INSR: variants seen among roughly 807,000 people sequenced by gnomAD.
The protein encoded by INSR is IR.
Under a neutral mutation model 142.6 loss-of-function variants are expected in INSR, and 67 were observed. The ratio of observed to expected loss-of-function variants is 0.47; its 90% CI spans 0.39 to 0.58. INSR has a LOEUF of 0.58. Ranked by LOEUF, INSR falls within the 20% of genes least tolerant of loss-of-function variation. The probability of loss-of-function intolerance (pLI) is 0.00; values close to 1 mark genes in which losing one functional copy is unlikely to be tolerated. For missense variants in INSR, 1,248 were observed against 1,833.2 expected (o/e 0.68, Z 5.83); for synonymous variants, 756 against 743.1 (o/e 1.02, Z -0.28).
Position 7,125,667 on chromosome 19 carries a change from G to T in INSR, c.3014-140C>A. 1.7e-6 allele frequency: 2 copies of T among 1,162,302 alleles called. No homozygotes were observed. Among genetic ancestry groups the T allele is most frequent in the Non-Finnish European group, 2.5e-6 (2 of 801,420 alleles). 72.0% of individuals were successfully genotyped at this position (1,162,302 alleles called of 1,614,324 possible). A position where few individuals can be genotyped will look rare whatever the true frequency, so the allele number is the denominator to read the frequency against. ...TGATCCAGGACCCATGCCGGGCACT[G>T]GGCATATGGCCGAGAACAGGACAGG... is the stretch of plus-strand genomic sequence containing the variant. On this transcript the variant is annotated intron_variant, in intron 16 of 21. Coordinates refer to ENST00000302850, the MANE Select transcript of INSR (RefSeq NM_000208.4). The surrounding 1 kb of genome is among the most constrained non-coding windows in gnomAD (Gnocchi z 4.9).
At chr19:7,120,573 C>T (rs1213258729) in intron 20 of INSR, 47 bp downstream of exon 20, 2 of 1,612,414 alleles carry the variant, frequency 1.2e-6, no homozygotes, top group African/African-American at 2.7e-5. Flanking sequence ...TCACTAGCAC[C>T]TGGAATTCAA....
chr19:7,281,328 CAACA>C (rs907232197), intron 1 of INSR, among the ~76,000 whole-genome samples: 1 of 119,226 alleles, frequency 8.4e-6, no homozygotes, highest in South Asian at 2.7e-4. Context: ...AGAATGACAA[CAACA>C]AACAAACACA....
intron 2 of INSR, among the ~76,000 whole-genome samples, chr19:7,244,202 A>G (rs190702380): frequency 6.6e-6 from 1 of 152,308 alleles, no homozygotes; most frequent in East Asian, 1.9e-4. Context: ...CACAAAAATA[A>G]TACAGGATAA....
Position 7,125,166 on chromosome 19 carries a change from G to T in INSR, c.3258+117C>A. The T allele has an allele frequency of 1.6e-6, 2 of 1,236,684 alleles. No homozygotes were observed. The highest frequency in any genetic ancestry group is 2.3e-6 in the Non-Finnish European group (2 of 860,154). The allele number at this position is 1,236,684 out of a possible 1,614,324, so 76.6% of individuals were successfully genotyped here. On this transcript the variant is annotated intron_variant, in intron 17 of 21. Coordinates refer to ENST00000302850, the MANE Select transcript of INSR (RefSeq NM_000208.4). This position sits in a 1 kb window ranked among gnomAD's most constrained non-coding sequence, Gnocchi z 4.9. ...CCTCTAGGATGGGAAGCTTAGTGGA[G>T]TGAGGGGTGGGTAGGAGGTTACACC...
intron 2 of INSR, among the ~76,000 whole-genome samples, chr19:7,260,113 G>A (rs1383796831): frequency 6.6e-6 from 1 of 152,142 alleles, no homozygotes; most frequent in African/African-American, 2.4e-5. Context: ...AACCCTCCAA[G>A]AGCATGCATT....
chr19:7,176,688 C>A (rs774794915), intron 3 of INSR, among the ~76,000 whole-genome samples: 6 of 152,136 alleles, frequency 3.9e-5, no homozygotes, highest in African/African-American at 1.4e-4. Context: ...CTTTGCTTTC[C>A]GCCACGATTG....
chr19:7,249,777 G>A (rs928446995), intron 2 of INSR, among the ~76,000 whole-genome samples: 8 of 152,236 alleles, frequency 5.3e-5, no homozygotes, highest in African/African-American at 1.7e-4. Context: ...TGGATCACGA[G>A]GTCAGGAGAT....
At chr19:7,236,646 C>A (rs1323275422) in intron 2 of INSR, among the ~76,000 whole-genome samples, 1 of 152,170 alleles carries the variant, frequency 6.6e-6, no homozygotes, top group Admixed American at 6.5e-5. Flanking sequence ...CACTCTTATC[C>A]TAAGTGAAGT....
At chr19:7,265,279 T>C (rs1000104283) in intron 2 of INSR, among the ~76,000 whole-genome samples, 1 of 152,128 alleles carries the variant, frequency 6.6e-6, no homozygotes, top group African/African-American at 2.4e-5. Flanking sequence ...GGCAGATCTA[T>C]GGACACACCA....
chr19:7,259,125 T>TTCTTTC (rs1204531414), intron 2 of INSR, among the ~76,000 whole-genome samples: 1 of 84,450 alleles, frequency 1.2e-5, no homozygotes, highest in Non-Finnish European at 2.6e-5. Context: ...TCTTTCCTTT[T>TTCTTTC]ATTTCTTCCC....
intron 2 of INSR, among the ~76,000 whole-genome samples, chr19:7,207,887 AGAAG>A (rs1162271488): frequency 3.6e-5 from 3 of 82,630 alleles, no homozygotes; most frequent in Non-Finnish European, 7.7e-5. Flanking sequence ...ACCTTGTTTG[AGAAG>A]GAAGGAAGGA....
intron 2 of INSR, among the ~76,000 whole-genome samples, chr19:7,245,053 A>G (rs919886569): frequency 6.7e-5 from 10 of 148,396 alleles, no homozygotes; most frequent in Admixed American, 2.1e-4. Context: ...CTCCTGCCTC[A>G]GCCTCCCGAG....
intron 2 of INSR, among the ~76,000 whole-genome samples, chr19:7,238,962 C>CAAAAAAAAAAA (rs71177185): frequency 2.6e-5 from 2 of 77,884 alleles, no homozygotes; most frequent in East Asian, 4.4e-4. Flanking sequence ...GATGAATTCT[C>CAAAAAAAAAAA]AAAAAAAAAA....
intron 2 of INSR, among the ~76,000 whole-genome samples, chr19:7,218,305 G>A (rs57930737): frequency 0.076 from 11,489 of 151,978 alleles, 1,497 homozygotes; most frequent in African/African-American, 0.26. Flanking sequence ...TGCCACCAGA[G>A]AGATAATCCA....
At position 7,150,426 on chromosome 19, in the gene INSR, C is replaced by T; in HGVS notation, c.2267+71G>A. 3 of 1,438,952 alleles carry T rather than the reference C, an allele frequency of 2.1e-6. No individual in the cohort carries two copies. Among genetic ancestry groups the T allele is most frequent in the Non-Finnish European group, 2.9e-6 (3 of 1,024,688 alleles). 89.1% of individuals were successfully genotyped at this position (1,438,952 alleles called of 1,614,324 possible). ...AAGCCACAGAAACCCCTGGGTTCTC[C>T]GAGGCATCTGCCTGGCACGCCGCCG... On this transcript the variant is annotated intron_variant, in intron 11 of 21. Coordinates refer to ENST00000302850, the MANE Select transcript of INSR (RefSeq NM_000208.4). The surrounding 1 kb of genome is among the most constrained non-coding windows in gnomAD (Gnocchi z 4.2).
At chr19:7,182,931 A>C (rs1416248520) in intron 3 of INSR, among the ~76,000 whole-genome samples, 1 of 151,448 alleles carries the variant, frequency 6.6e-6, no homozygotes, top group Non-Finnish European at 1.5e-5. Context: ...AAAAACCTAA[A>C]ACAAAAGTCT....
At chr19:7,121,040 C>A (rs1465975075) in intron 19 of INSR, among the ~76,000 whole-genome samples, 1 of 152,090 alleles carries the variant, frequency 6.6e-6, no homozygotes, top group African/African-American at 2.4e-5. Flanking sequence ...CTCTGTCCTC[C>A]AGGCTGGAGT....
At chr19:7,258,521 C>A (rs1344880494) in intron 2 of INSR, among the ~76,000 whole-genome samples, 1 of 149,676 alleles carries the variant, frequency 6.7e-6, no homozygotes, top group Non-Finnish European at 1.5e-5. Flanking sequence ...TGGGCAAAGG[C>A]CTTACGTCAG....
chr19:7,219,700 A>G (rs1052301355), intron 2 of INSR, among the ~76,000 whole-genome samples: 2 of 152,192 alleles, frequency 1.3e-5, no homozygotes, highest in Admixed American at 1.3e-4. Context: ...AAAAAAGAAA[A>G]GAACGATTGC....
Sources: gnomAD v4.1 joint callset for allele counts (sites outside exome capture counted in the v4.1 genomes callset) on GRCh38, gnomAD v4.1.1 for gene constraint, Gnocchi (gnomAD v3.1) non-coding constraint, MANE v1.5 for transcripts, NCBI Gene and HGNC (gene_info 2026-07-23, HGNC 2026-07-21) for gene names.